The following JPT1 variants were observed in gnomAD, a reference collection of about 807,000 sequenced individuals.
JPT1 encodes Jupiter microtubule associated homolog 1, also known as androgen-regulated protein 2.
JPT1 carries 5 observed loss-of-function variants against 17.0 expected under a neutral mutation model. The observed-to-expected ratio is 0.29, with a 90% CI of 0.15 to 0.62. The LOEUF is 0.62. JPT1 is among the 20% of genes least tolerant of loss of function. The pLI is 0.85. For missense variants in JPT1, 158 were observed against 188.1 expected (o/e 0.84, Z 0.94); for synonymous variants, 71 against 73.6 (o/e 0.96, Z 0.18).
intron 4 of JPT1, among the ~76,000 whole-genome samples, chr17:75,137,341 T>C (rs531382518): frequency 1.3e-5 from 2 of 152,112 alleles, no homozygotes; most frequent in African/African-American, 4.8e-5. Flanking sequence ...TGTTTGTTTT[T>C]TGTGGAGGGG....
chr17:75,138,261 C>A (rs911257013), intron 4 of JPT1, among the ~76,000 whole-genome samples: 4 of 152,204 alleles, frequency 2.6e-5, no homozygotes, highest in East Asian at 1.9e-4. Context: ...CCATACTGGG[C>A]CTTAGTTTTC....
intron 1 of JPT1, among the ~76,000 whole-genome samples, chr17:75,148,908 C>CT (rs1392040271): frequency 1.3e-5 from 2 of 152,160 alleles, no homozygotes; most frequent in Non-Finnish European, 2.9e-5. Flanking sequence ...TCACACAAGG[C>CT]AGCTGAAACA....
intron 4 of JPT1, chr17:75,142,820 C>T (rs376034538): frequency 3.7e-5 from 17 of 455,692 alleles, no homozygotes; most frequent in South Asian, 2.6e-4. Context: ...TTAATACATA[C>T]ATCTTCGGTC....
chr17:75,137,569 A>G (rs2074227169), intron 4 of JPT1, among the ~76,000 whole-genome samples: 1 of 142,896 alleles, frequency 7.0e-6, no homozygotes, highest in Non-Finnish European at 1.5e-5. Context: ...GGGTCTCCTT[A>G]TGTTACCCAG....
intron 4 of JPT1, chr17:75,141,008 T>A (rs1024393025): frequency 3.3e-5 from 5 of 152,362 alleles, no homozygotes; most frequent in Admixed American, 6.5e-5. Flanking sequence ...GAGAATTGCT[T>A]GAATCAAAGA....
chr17:75,139,400 A>G (rs531017485), intron 4 of JPT1, among the ~76,000 whole-genome samples: 1 of 152,312 alleles, frequency 6.6e-6, no homozygotes, highest in Non-Finnish European at 1.5e-5. Context: ...TACTAATCTT[A>G]TATTTGTCTT....
chr17:75,153,436 C>G (rs1224596266), intron 1 of JPT1: 2 of 152,204 alleles, frequency 1.3e-5, no homozygotes, highest in African/African-American at 4.8e-5. Context: ...GTCTCCGGCC[C>G]CGCCCAAGAA....
chr17:75,148,659 A>T lies in JPT1; in HGVS notation c.69T>A (p.Pro23=). The change falls in exon 2 of 5, where the codon CCT becomes CCA. Residue 23 remains proline (P), a synonymous_variant. Coordinates refer to ENST00000409753, the MANE Select transcript of JPT1 (RefSeq NM_016185.4). The stretch of plus-strand genomic sequence containing the variant: ...ATGAAAAATTGGATCCACCACCTGG[A>T]GGCCGCAAAACTCTGCAAATAATGG... ...NSRNSSRVLR[P]PGGGSNFSLG... 6.2e-7 allele frequency: 1 copy of T among 1,614,218 alleles called. No homozygotes were observed. The highest frequency in any genetic ancestry group is 8.5e-7 in the Non-Finnish European group (1 of 1,180,046).
chr17:75,149,365 AAG>A (rs1330600099), intron 1 of JPT1, among the ~76,000 whole-genome samples: 3 of 152,048 alleles, frequency 2.0e-5, no homozygotes, highest in Non-Finnish European at 4.4e-5. Flanking sequence ...AAAATGTAAA[AAG>A]TAAATAAATT....
Position 75,145,348 on chromosome 17 carries a change from GCACTT to G in JPT1, c.316+1313_316+1317del, listed in dbSNP as rs1260265495. ...TAGACCAGAGGGCCTTGTGACTGCT[GCACTT>G]CACTGACTGCTACTGCCTGACACTT... On this transcript the variant is annotated intron_variant, in intron 4 of 4. Coordinates refer to ENST00000409753, the MANE Select transcript of JPT1 (RefSeq NM_016185.4). 3.9e-5 allele frequency: 6 copies of G among 152,294 alleles called. No homozygotes were observed. The East Asian group carries it at 9.6e-4, about 24-fold the overall frequency. The allele number at this position is 152,294 out of a possible 1,614,324, so 9.4% of individuals were successfully genotyped here.
At chr17:75,144,696 G>C (rs2074390337) in intron 4 of JPT1, among the ~76,000 whole-genome samples, 1 of 152,088 alleles carries the variant, frequency 6.6e-6, no homozygotes, top group South Asian at 2.1e-4. Context: ...TGGTGGGAAG[G>C]AAGGGGCAGT....
At position 75,147,526 on chromosome 17, in the gene JPT1, G is replaced by A. The variant is rs780344523; in HGVS notation, c.297+30C>T. On this transcript the variant is annotated intron_variant, in intron 3 of 4. Transcript: ENST00000409753. ...ATTTCAGAATCATATTGACCTGAAA[G>A]CCTTTCTGGCCTCATGCTGTCACAC... 6.9e-6 allele frequency: 10 copies of A among 1,457,832 alleles called. No individual in the cohort carries two copies. In the Admixed American group the frequency reaches 1.7e-4, roughly 25 times the overall value. 90.3% of individuals were successfully genotyped at this position (1,457,832 alleles called of 1,614,324 possible).
intron 4 of JPT1, among the ~76,000 whole-genome samples, chr17:75,139,937 G>A (rs2074276884): frequency 6.6e-6 from 1 of 151,464 alleles, no homozygotes; most frequent in Admixed American, 6.6e-5. Flanking sequence ...CAGAAACTTT[G>A]ATTTATTTTT....
At chr17:75,154,151 G>C in intron 1 of JPT1, 191 bp downstream of exon 1, 1 of 285,718 alleles carries the variant, frequency 3.5e-6, no homozygotes, top group Non-Finnish European at 6.3e-6. Context: ...GCAGGGACCC[G>C]GGTGGGGCCG....
chr17:75,139,583 G>A (rs1010414525), intron 4 of JPT1, among the ~76,000 whole-genome samples: 1 of 152,130 alleles, frequency 6.6e-6, no homozygotes, highest in Non-Finnish European at 1.5e-5. Flanking sequence ...CACTTTGGGA[G>A]GCCAAGGCAG....
intron 4 of JPT1, 159 bp downstream of exon 4, chr17:75,146,507 C>A: frequency 1.7e-6 from 1 of 582,688 alleles, no homozygotes; most frequent in South Asian, 2.3e-5. Context: ...ATGTTTCTAG[C>A]ATTGATCGCG....
At chr17:75,148,014 AAAAC>A (rs1341425345) in intron 2 of JPT1, 4 of 233,824 alleles carry the variant, frequency 1.7e-5, no homozygotes, top group Non-Finnish European at 2.5e-5. Flanking sequence ...CTCAAAAACA[AAAAC>A]AAAAAACTTC....
chr17:75,147,237 G>A (rs2074457843), intron 3 of JPT1, among the ~76,000 whole-genome samples: 1 of 152,152 alleles, frequency 6.6e-6, no homozygotes, highest in African/African-American at 2.4e-5. Context: ...CTAGTCTCCT[G>A]GAGTTCAACG....
At chr17:75,143,139 A>C (rs1485792872) in intron 4 of JPT1, among the ~76,000 whole-genome samples, 1 of 152,230 alleles carries the variant, frequency 6.6e-6, no homozygotes, top group African/African-American at 2.4e-5. Context: ...GGAGAGGCCA[A>C]GAAGAATCTA....
Sources: gnomAD v4.1 joint callset for allele counts (sites outside exome capture counted in the v4.1 genomes callset) on GRCh38, gnomAD v4.1.1 for gene constraint, MANE v1.5 for transcripts, NCBI Gene and HGNC (gene_info 2026-07-23, HGNC 2026-07-21) for gene names.